MGAT4B: variants seen among roughly 807,000 people sequenced by gnomAD.
The protein encoded by MGAT4B is alpha-1,3-mannosyl-glycoprotein 4-beta-N-acetylglucosaminyltransferase B, also known as N-acetylglucosaminyltransferase IVb.
Under a neutral mutation model 73.9 loss-of-function variants are expected in MGAT4B, and 38 were observed. That is an observed-to-expected ratio of 0.51 (90% CI 0.40 to 0.67). MGAT4B has a LOEUF of 0.67. Ranked by LOEUF, MGAT4B falls within the 30% of genes least tolerant of loss-of-function variation. MGAT4B has a pLI of 0.00. For missense variants in MGAT4B, 686 were observed against 735.2 expected, an observed-to-expected ratio of 0.93 and a Z score of 0.77; for synonymous variants, 373 against 313.5, an observed-to-expected ratio of 1.19 and a Z score of -2.01.
chr5:179,806,658 T>C lies in MGAT4B; in HGVS notation c.-75A>G. ...GGGGACCGGGGCCGGGGCGCAGGGG[T>C]CGGAAGGCGGCGGCGGCGGCGGCAG... On this transcript the variant is annotated 5_prime_UTR_variant, in exon 1 of 15. Coordinates refer to ENST00000292591, the MANE Select transcript of MGAT4B (RefSeq NM_014275.5). This position sits in a 1 kb window ranked among gnomAD's most constrained non-coding sequence, Gnocchi z 4.6. 1 of 716,334 alleles carries C rather than the reference T, an allele frequency of 1.4e-6. No individual in the cohort carries two copies. The highest frequency in any genetic ancestry group is 1.7e-6 in the Non-Finnish European group (1 of 593,724). 44.4% of individuals were successfully genotyped at this position (716,334 alleles called of 1,614,324 possible).
chr5:179,801,760 T>TC lies in MGAT4B; in HGVS notation c.283+23dup, dbSNP rs771653474. 1.5e-3 allele frequency: 2,420 copies of TC among 1,564,384 alleles called. 5 individuals are homozygous for TC. Among genetic ancestry groups the TC allele is most frequent in the Middle Eastern group, 4.2e-3 (25 of 5,908 alleles). On this transcript the variant is annotated intron_variant, in intron 2 of 14. Coordinates refer to ENST00000292591, the MANE Select transcript of MGAT4B (RefSeq NM_014275.5). The surrounding 1 kb of genome is among the most constrained non-coding windows in gnomAD (Gnocchi z 4.8). The stretch of plus-strand genomic sequence containing the variant: ...CTACAACCAGCCCGCCCCCGCCTTT[T>TC]CCCCCTCCCGCCCCAGACCTCACCT...
rs1756955563 is a variant in MGAT4B at position 179,801,809 on chromosome 5, G to GCCGTCT, written c.252_257dup (p.Asp85_Gly86dup). 3 of 1,564,370 alleles carry GCCGTCT rather than the reference G, an allele frequency of 1.9e-6. No individual in the cohort carries two copies. The highest frequency in any genetic ancestry group is 1.4e-5 in the African/African-American group (1 of 73,236). ...CTGTTAGGCGGCCCCAGGTGCGATTGCCGTCTCCGTCTCGCAGCGCCTGCC... is the reference window on the plus strand; with the variant it reads ...CTGTTAGGCGGCCCCAGGTGCGATTGCCGTCTCCGTCTCCGTCTCGCAGCGCCTGCC... On this transcript the variant is annotated inframe_insertion, in exon 2 of 15. Coordinates refer to ENST00000292591, the MANE Select transcript of MGAT4B (RefSeq NM_014275.5). This position sits in a 1 kb window ranked among gnomAD's most constrained non-coding sequence, Gnocchi z 4.8.
chr5:179,798,287 G>A lies in MGAT4B; in HGVS notation c.1511-10C>T. 1.2e-6 allele frequency: 2 copies of A among 1,612,798 alleles called. No homozygotes were observed. Among genetic ancestry groups the A allele is most frequent in the East Asian group, 2.2e-5 (1 of 44,866 alleles). On this transcript the variant is annotated splice_polypyrimidine_tract_variant and intron_variant, in intron 13 of 14. Coordinates refer to ENST00000292591, the MANE Select transcript of MGAT4B (RefSeq NM_014275.5). ...CCCTTGTAGAAGGAGCCTGTGGGAG[G>A]GCAGTGGTGAGAGGGTGTCCCTGAA...
At position 179,798,408 on chromosome 5, in the gene MGAT4B, C is replaced by T. The variant is rs763411349; in HGVS notation, c.1449G>A (p.Leu483=). ...FDNPQSDKEA[L]QEGRTATLRY... ...GGAGGGTGGCGGTGCGGCCCTCCTG[C>T]AGGGCCTCCTTGTCTGACTGAGGGT... The change falls in exon 13 of 15, where the codon CTG becomes CTA. Residue 483 remains leucine (L), a synonymous_variant. Coordinates refer to ENST00000292591, the MANE Select transcript of MGAT4B (RefSeq NM_014275.5). 7 of 1,612,504 alleles carry T rather than the reference C, an allele frequency of 4.3e-6. No homozygotes were observed. Among genetic ancestry groups the T allele is most frequent in the Admixed American group, 3.3e-5 (2 of 59,948 alleles).
Position 179,806,554 on chromosome 5 carries a change from C to T in MGAT4B, c.30G>A (p.Thr10=). ...AGGCGCACAGGCAGAAGAGCAGCAG[C>T]GTCAGGAAGGTGCCATTGCGGAGCC... MRLRNGTFL[T]LLLFCLCAFL... The change falls in exon 1 of 15, where the codon ACG becomes ACA. Residue 10 remains threonine (T), a synonymous_variant. Coordinates refer to ENST00000292591, the MANE Select transcript of MGAT4B (RefSeq NM_014275.5). The surrounding 1 kb of genome is among the most constrained non-coding windows in gnomAD (Gnocchi z 4.6). 2 of 1,320,914 alleles carry T rather than the reference C, an allele frequency of 1.5e-6. No individual in the cohort carries two copies. Among genetic ancestry groups the T allele is most frequent in the South Asian group, 1.4e-5 (1 of 69,426 alleles). The allele number at this position is 1,320,914 out of a possible 1,614,324, so 81.8% of individuals were successfully genotyped here.
intron 1 of MGAT4B, among the ~76,000 whole-genome samples, chr5:179,804,723 A>G (rs1024218188): frequency 1.3e-5 from 2 of 152,054 alleles, no homozygotes; most frequent in Non-Finnish European, 2.9e-5. Flanking sequence ...GCTGGCTGCA[A>G]AGTGGAGGCC....
rs1451594155 is a variant in MGAT4B, at chr5:179,798,365, C to T, written c.1492G>A (p.Asp498Asn). The T allele has an allele frequency of 5.6e-6, 9 of 1,612,918 alleles. No individual in the cohort carries two copies. Among genetic ancestry groups the T allele is most frequent in the Non-Finnish European group, 6.8e-6 (8 of 1,180,008 alleles). The change falls in exon 13 of 15, where the codon GAC becomes AAC. Residue 498 changes from aspartate (D) to asparagine (N), a missense_variant. Transcript: ENST00000292591. ...TATLRYPRSP[D>N]GYLQIGSFYK... ...TACCCACCGATCTGGAGGTAGCCGT[C>T]GGGGCTCCGAGGGTACCGGAGGGTG...
chr5:179,804,483 C>T (rs1581981178), intron 1 of MGAT4B, among the ~76,000 whole-genome samples: 1 of 152,336 alleles, frequency 6.6e-6, no homozygotes, highest in East Asian at 1.9e-4. Context: ...TGACCGAGGG[C>T]CACAGTTTGA....
At chr5:179,803,419 C>CTGGGTGACACCAGGTG (rs1270056904) in intron 1 of MGAT4B, 1 of 266,690 alleles carries the variant, frequency 3.7e-6, no homozygotes, top group Non-Finnish European at 5.8e-6. Context: ...TCACCCATTG[C>CTGGGTGACACCAGGTG]TGGGTGACAC....
At chr5:179,800,443 A>G (rs1756864041) in intron 6 of MGAT4B, 41 bp downstream of exon 6, 1 of 1,473,600 alleles carries the variant, frequency 6.8e-7, no homozygotes, top group Non-Finnish European at 9.4e-7. Context: ...TTCTCAGCAC[A>G]GGCAGGCGGG....
At chr5:179,802,191 C>G in intron 1 of MGAT4B, 2 of 1,489,596 alleles carry the variant, frequency 1.3e-6, no homozygotes, top group Non-Finnish European at 1.8e-6. Flanking sequence ...TTCCAGTACT[C>G]TCCCCCACCG....
At chr5:179,802,235 G>A (rs990738000) in intron 1 of MGAT4B, 3 of 1,435,292 alleles carry the variant, frequency 2.1e-6, no homozygotes, top group Non-Finnish European at 2.7e-6. Flanking sequence ...GGCATCTGAA[G>A]TGGAAATACG....
intron 1 of MGAT4B, among the ~76,000 whole-genome samples, chr5:179,804,378 G>A (rs1757057094): frequency 6.6e-6 from 1 of 152,196 alleles, no homozygotes; most frequent in Admixed American, 6.5e-5. Flanking sequence ...CAGGCCTGGG[G>A]AGGCGGACAG....
chr5:179,801,278 C>A lies in MGAT4B; in HGVS notation c.558+56G>T. 1 of 1,557,634 alleles carries A rather than the reference C, an allele frequency of 6.4e-7. No homozygotes were observed. The highest frequency in any genetic ancestry group is 8.7e-7 in the Non-Finnish European group (1 of 1,148,614). ...CTCGGAATGGTTCCTGCTGTCAGTTCTGCACCGCGGGGGCTCCTCTGAATG... is the reference window on the plus strand; with the variant it reads ...CTCGGAATGGTTCCTGCTGTCAGTTATGCACCGCGGGGGCTCCTCTGAATG... On this transcript the variant is annotated intron_variant, in intron 4 of 14. Transcript: ENST00000292591. This position sits in a 1 kb window ranked among gnomAD's most constrained non-coding sequence, Gnocchi z 4.8.
In MGAT4B at chr5:179,806,495, C is replaced by T. The variant is rs1757165560; in HGVS notation, c.89G>A (p.Gly30Asp). ...LSLSWYAALS[G>D]QKGDVVDVYQ... ...GCGGGGGTCGCGCTCACCTTTCTGG[C>T]CGCTGAGTGCCGCGTACCAGGACAG... Residue 30 changes from glycine to aspartate, a missense_variant, in exon 1 of 15, where the codon GGC (glycine) becomes GAC (aspartate). Transcript: ENST00000292591. This position sits in a 1 kb window ranked among gnomAD's most constrained non-coding sequence, Gnocchi z 4.6. 2.3e-6 allele frequency: 3 copies of T among 1,310,738 alleles called. No individual in the cohort carries two copies. Among genetic ancestry groups the T allele is most frequent in the Non-Finnish European group, 3.0e-6 (3 of 1,004,128 alleles). The allele number at this position is 1,310,738 out of a possible 1,614,324, so 81.2% of individuals were successfully genotyped here.
In MGAT4B at chr5:179,801,081, G is replaced by T; in HGVS notation, c.559-128C>A. 1 of 1,273,348 alleles carries T rather than the reference G, an allele frequency of 7.9e-7. No individual in the cohort carries two copies. Among genetic ancestry groups the T allele is most frequent in the Non-Finnish European group, 1.1e-6 (1 of 912,496 alleles). The allele number at this position is 1,273,348 out of a possible 1,614,324, so 78.9% of individuals were successfully genotyped here. ...GGAGTGAGCCTGCTGTGCTGAGGGC[G>T]GAGTAAGGGGGCCCCCAGAGACGGC... On this transcript the variant is annotated intron_variant, in intron 4 of 14. Coordinates refer to ENST00000292591, the MANE Select transcript of MGAT4B (RefSeq NM_014275.5). This position sits in a 1 kb window ranked among gnomAD's most constrained non-coding sequence, Gnocchi z 4.8.
At chr5:179,804,447 C>T (rs1757060258) in intron 1 of MGAT4B, among the ~76,000 whole-genome samples, 1 of 152,194 alleles carries the variant, frequency 6.6e-6, no homozygotes, top group African/African-American at 2.4e-5. Context: ...GGGTCTGCCT[C>T]CCTGGGCAGA....
intron 11 of MGAT4B, 95 bp from the exon 12 acceptor site, chr5:179,798,686 G>A: frequency 7.2e-7 from 1 of 1,383,582 alleles, no homozygotes; most frequent in Non-Finnish European, 1.0e-6. Flanking sequence ...CGCCAGGAGG[G>A]CCCCCCAGGC....
In MGAT4B at chr5:179,798,957, G is replaced by A. The variant is rs769654245; in HGVS notation, c.1314C>T (p.Phe438=). The A allele has an allele frequency of 6.2e-7, 1 of 1,613,662 alleles. No homozygotes were observed. Residue 438 remains phenylalanine (F), a synonymous_variant, in exon 11 of 15, where the codon TTC becomes TTT. Coordinates refer to ENST00000292591, the MANE Select transcript of MGAT4B (RefSeq NM_014275.5). ...CCAGTCTTAGAGGTTGGAAGAAGCG[G>A]AAGCGGATGAAGTCCCCCGCGGCAG... is the stretch of plus-strand genomic sequence containing the variant. ...FTPAAGDFIR[F]RFFQPLRLER... is the part of the protein sequence containing the mutation.
Sources: allele counts gnomAD v4.1 joint callset (sites outside exome capture counted in the v4.1 genomes callset), GRCh38; gene constraint gnomAD v4.1.1; non-coding constraint Gnocchi (gnomAD v3.1); transcripts MANE v1.5; gene names NCBI Gene and HGNC (gene_info 2026-07-23, HGNC 2026-07-21).